PDE4B: variants seen among roughly 807,000 people sequenced by gnomAD.
PDE4B encodes the protein phosphodiesterase 4B.
A neutral mutation model predicts 82.2 loss-of-function variants in PDE4B; 20 were observed. That is an observed-to-expected ratio of 0.24 (90% CI 0.17 to 0.35). The LOEUF (loss-of-function observed/expected upper bound fraction) is 0.35. PDE4B is among the 10% of genes least tolerant of loss of function. The pLI, the probability that PDE4B is intolerant of heterozygous loss-of-function variation, is 1.00. For synonymous variants in PDE4B, 320 were observed against 318.9 expected, an observed-to-expected ratio of 1.00 and a Z score of -0.04; for missense variants, 655 against 907.2, an observed-to-expected ratio of 0.72 and a Z score of 3.57.
intron 3 of PDE4B, among the ~76,000 whole-genome samples, chr1:66,063,143 G>A (rs549783387): frequency 9.2e-5 from 14 of 152,104 alleles, no homozygotes; most frequent in Non-Finnish European, 2.1e-4. Context: ...TGCCCTAGTA[G>A]TTTTGCCCAA....
chr1:65,943,147 C>T (rs1208481878), intron 3 of PDE4B, among the ~76,000 whole-genome samples: 1 of 151,848 alleles, frequency 6.6e-6, no homozygotes, highest in African/African-American at 2.4e-5. Context: ...ATTTTCAGAT[C>T]TTACATTTAA....
At chr1:66,275,255 C>T (rs1655795037) in intron 7 of PDE4B, among the ~76,000 whole-genome samples, 1 of 152,134 alleles carries the variant, frequency 6.6e-6, no homozygotes, top group Non-Finnish European at 1.5e-5. Flanking sequence ...TACAGCACAT[C>T]AAAGTTGTAT....
At chr1:66,233,818 A>C (rs548783135) in intron 3 of PDE4B, among the ~76,000 whole-genome samples, 1 of 152,216 alleles carries the variant, frequency 6.6e-6, no homozygotes, top group African/African-American at 2.4e-5. Context: ...GGAGAACTAC[A>C]TTGATTTTTT....
intron 3 of PDE4B, among the ~76,000 whole-genome samples, chr1:65,987,856 C>T (rs535675696): frequency 2.1e-4 from 32 of 152,308 alleles, no homozygotes; most frequent in South Asian, 4.1e-4. Context: ...TCAGGTGATC[C>T]GCCCGCATTG....
At chr1:66,345,143 C>T (rs1557715667) in intron 8 of PDE4B, among the ~76,000 whole-genome samples, 1 of 151,970 alleles carries the variant, frequency 6.6e-6, no homozygotes, top group Non-Finnish European at 1.5e-5. Context: ...GGAAAGATAA[C>T]CGATTTGTCC....
intron 3 of PDE4B, among the ~76,000 whole-genome samples, chr1:66,143,214 A>C (rs1646207547): frequency 6.6e-6 from 1 of 152,234 alleles, no homozygotes; most frequent in South Asian, 2.1e-4. Flanking sequence ...TAGTGAGAGA[A>C]ACAGGTTCAT....
At chr1:66,207,986 C>A (rs1307670525) in intron 3 of PDE4B, among the ~76,000 whole-genome samples, 1 of 152,128 alleles carries the variant, frequency 6.6e-6, no homozygotes, top group Non-Finnish European at 1.5e-5. Context: ...ACTTCTTTAT[C>A]TTTTGTGTGG....
chr1:65,939,203 C>T (rs1648312314), intron 3 of PDE4B, among the ~76,000 whole-genome samples: 1 of 152,062 alleles, frequency 6.6e-6, no homozygotes, highest in African/African-American at 2.4e-5. Flanking sequence ...TAAGAAAACT[C>T]CACAGATGCA....
At chr1:66,229,237 C>T (rs1456547842) in intron 3 of PDE4B, among the ~76,000 whole-genome samples, 8 of 151,708 alleles carry the variant, frequency 5.3e-5, no homozygotes, top group Admixed American at 4.6e-4. Context: ...TCTTGATCTC[C>T]TGACCTCGTG....
At chr1:66,006,041 GA>G (rs892870544) in intron 3 of PDE4B, among the ~76,000 whole-genome samples, 2 of 152,072 alleles carry the variant, frequency 1.3e-5, no homozygotes, top group South Asian at 2.1e-4. Flanking sequence ...ATTTAGAAAG[GA>G]AAAAAAGTTT....
intron 4 of PDE4B, among the ~76,000 whole-genome samples, chr1:66,250,793 A>G (rs1312056229): frequency 1.3e-5 from 2 of 152,208 alleles, no homozygotes; most frequent in African/African-American, 4.8e-5. Context: ...ACCACCATGG[A>G]CAGAATGGAG....
At chr1:66,289,545 T>C (rs1051392175) in intron 7 of PDE4B, among the ~76,000 whole-genome samples, 1 of 151,980 alleles carries the variant, frequency 6.6e-6, no homozygotes, top group Non-Finnish European at 1.5e-5. Context: ...AAGGCCGGTG[T>C]GGCTGGAACA....
At chr1:65,814,238 T>C (rs1453848012) in intron 1 of PDE4B, among the ~76,000 whole-genome samples, 2 of 152,318 alleles carry the variant, frequency 1.3e-5, no homozygotes, top group South Asian at 4.1e-4. Context: ...GCTGGACTGG[T>C]AGTCTTCAAA....
intron 3 of PDE4B, among the ~76,000 whole-genome samples, chr1:66,183,153 A>G (rs888564182): frequency 5.9e-5 from 9 of 152,120 alleles, no homozygotes; most frequent in African/African-American, 2.2e-4. Context: ...CTTCACAGGC[A>G]GCCTTTTGTG....
intron 1 of PDE4B, among the ~76,000 whole-genome samples, chr1:65,857,442 T>A (rs1646405869): frequency 6.6e-6 from 1 of 152,208 alleles, no homozygotes; most frequent in Non-Finnish European, 1.5e-5. Flanking sequence ...TTTTTATTTT[T>A]TAGAGCCAGG....
chr1:65,912,447 ACAAT>A (rs1448253727), intron 1 of PDE4B, among the ~76,000 whole-genome samples: 1 of 152,050 alleles, frequency 6.6e-6, no homozygotes, highest in Admixed American at 6.5e-5. Context: ...TTTGGTTTCC[ACAAT>A]CAGAGTGCAC....
intron 7 of PDE4B, among the ~76,000 whole-genome samples, chr1:66,309,043 G>A (rs1001926347): frequency 9.2e-5 from 14 of 152,112 alleles, no homozygotes; most frequent in African/African-American, 3.1e-4. Flanking sequence ...CTGACATTTT[G>A]AAACAAACAA....
intron 3 of PDE4B, among the ~76,000 whole-genome samples, chr1:66,060,148 T>G (rs1299454583): frequency 6.6e-6 from 1 of 152,220 alleles, no homozygotes; most frequent in African/African-American, 2.4e-5. Context: ...GGCAACAATT[T>G]ATATCTTGTG....
chr1:66,123,876 T>C (rs1645765084), intron 3 of PDE4B, among the ~76,000 whole-genome samples: 1 of 152,184 alleles, frequency 6.6e-6, no homozygotes, highest in African/African-American at 2.4e-5. Flanking sequence ...GCTCTTGCTC[T>C]CCCTGTCTAC....
Sources: allele counts gnomAD v4.1 joint callset (sites outside exome capture counted in the v4.1 genomes callset), GRCh38; gene constraint gnomAD v4.1.1; transcripts MANE v1.5; gene names NCBI Gene and HGNC (gene_info 2026-07-23, HGNC 2026-07-21).